PIEZO2: variants seen among roughly 807,000 people sequenced by gnomAD.
PIEZO2 encodes the protein piezo type mechanosensitive ion channel component 2.
PIEZO2 carries 172 observed loss-of-function variants against 337.3 expected under a neutral mutation model. The ratio of observed to expected loss-of-function variants is 0.51; its 90% CI spans 0.45 to 0.58. The LOEUF (loss-of-function observed/expected upper bound fraction) is 0.58. PIEZO2 is among the 20% of genes least tolerant of loss of function. PIEZO2 has a pLI of 0.00. For synonymous variants in PIEZO2, 1,251 were observed against 1,228.5 expected (o/e 1.02, Z -0.38); for missense variants, 3,028 against 3,391.3 (o/e 0.89, Z 2.66).
chr18:10,739,899 G>C (rs540272778), intron 33 of PIEZO2: 2 of 152,246 alleles, frequency 1.3e-5, no homozygotes, highest in African/African-American at 4.8e-5. Flanking sequence ...TTATGTCTTG[G>C]GAGAGAGAGG....
chr18:11,130,412 C>T (rs532495202), intron 1 of PIEZO2, among the ~76,000 whole-genome samples: 2 of 152,364 alleles, frequency 1.3e-5, no homozygotes, highest in South Asian at 4.1e-4. Context: ...TTTCAGCTGG[C>T]AAGGCCAGCA....
In PIEZO2 at chr18:11,003,298, A is replaced by AACC. The variant is rs1260752281; in HGVS notation, c.161-23641_161-23639dup. Among the ~76,000 whole-genome samples, 2 of 152,202 alleles carry AACC rather than the reference A, an allele frequency of 1.3e-5. No homozygotes were observed. Among genetic ancestry groups the AACC allele is most frequent in the African/African-American group, 4.8e-5 (2 of 41,430 alleles). ...TTTTGTTTTGCCAATTCACTTAACA[A>AACC]ACCACAGTAAATCCTCACTTATCAT... is the stretch of plus-strand genomic sequence containing the variant. On this transcript the variant is annotated intron_variant, in intron 2 of 55. Coordinates refer to ENST00000674853, the MANE Select transcript of PIEZO2 (RefSeq NM_001378183.1). The surrounding 1 kb of genome is among the most constrained non-coding windows in gnomAD (Gnocchi z 4.6).
In PIEZO2 at chr18:11,037,833, G is replaced by A. The variant is rs182107859; in HGVS notation, c.160+28294C>T. Among the ~76,000 whole-genome samples the A allele has an allele frequency of 1.2e-3, 185 of 152,286 alleles. 1 individual carries two copies. The highest frequency in any genetic ancestry group is 4.4e-3 in the African/African-American group (184 of 41,552). ...TTATGATTCTATGTCAAAGTAACAGGGGCTATAATATGCAAAGTTTTCTTA... is the reference window on the plus strand; with the variant it reads ...TTATGATTCTATGTCAAAGTAACAGAGGCTATAATATGCAAAGTTTTCTTA... On this transcript the variant is annotated intron_variant, in intron 2 of 55. Coordinates refer to ENST00000674853, the MANE Select transcript of PIEZO2 (RefSeq NM_001378183.1).
rs576600704 is a variant in PIEZO2, at chr18:10,957,577, A to T, written c.286+21958T>A. Among the ~76,000 whole-genome samples the T allele has an allele frequency of 8.9e-4, 136 of 152,308 alleles. 1 individual carries two copies. The highest frequency in any genetic ancestry group is 1.7e-3 in the Non-Finnish European group (113 of 68,032). On this transcript the variant is annotated intron_variant, in intron 3 of 55. Coordinates refer to ENST00000674853, the MANE Select transcript of PIEZO2 (RefSeq NM_001378183.1). ...AATTGTAAAGCTACTAGAAGAAAAA[A>T]TAAGGAAAAAGCTCCACATTAGTCT... is the stretch of plus-strand genomic sequence containing the variant.
In PIEZO2 at chr18:10,803,946, G is replaced by C. The variant is rs751631562; in HGVS notation, c.1129C>G (p.Pro377Ala). The change falls in exon 9 of 56, where the codon CCC becomes GCC. Residue 377 changes from proline (P) to alanine (A), a missense_variant. Around this residue, in one of 5 missense-constraint regions of PIEZO2, gnomAD observed 542 missense variants for 605.6 expected, o/e 0.89. Coordinates refer to ENST00000674853, the MANE Select transcript of PIEZO2 (RefSeq NM_001378183.1). ...KEEDKALACS[P>A]IQITAGRRRS... ...CTCCTCCCCGCTGTTATTTGGATGG[G>C]GCTACAAGCCAGGGCTTTGTCCTCT... 24 of 1,537,196 alleles carry C rather than the reference G, an allele frequency of 1.6e-5. No individual in the cohort carries two copies. The highest frequency in any genetic ancestry group is 1.8e-5 in the Non-Finnish European group (21 of 1,146,932).
chr18:10,864,570 T>C (rs187203396), intron 5 of PIEZO2, among the ~76,000 whole-genome samples: 2 of 152,368 alleles, frequency 1.3e-5, no homozygotes, highest in Non-Finnish European at 1.5e-5. Context: ...TATTAGTTTT[T>C]GTTTATCCTG....
At chr18:11,052,727 G>A (rs1261710748) in intron 2 of PIEZO2, among the ~76,000 whole-genome samples, 1 of 152,084 alleles carries the variant, frequency 6.6e-6, no homozygotes, top group East Asian at 1.9e-4. Context: ...AGTCTTTTGG[G>A]AAGAACAATC....
At chr18:10,845,198 G>GTA (rs778162480) in intron 7 of PIEZO2, among the ~76,000 whole-genome samples, 21 of 136,378 alleles carry the variant, frequency 1.5e-4, no homozygotes, top group Admixed American at 7.1e-4. Context: ...GTGTGTGTGT[G>GTA]TGTATATATA....
At chr18:10,845,198 G>A (rs1304301771) in intron 7 of PIEZO2, among the ~76,000 whole-genome samples, 1 of 136,298 alleles carries the variant, frequency 7.3e-6, no homozygotes, top group African/African-American at 2.8e-5. Flanking sequence ...GTGTGTGTGT[G>A]TGTATATATA....
intron 1 of PIEZO2, among the ~76,000 whole-genome samples, chr18:11,106,126 C>A (rs375883804): frequency 6.6e-6 from 1 of 151,980 alleles, no homozygotes; most frequent in African/African-American, 2.4e-5. Context: ...CTGGCTCTGT[C>A]GCCCAGGCTG....
chr18:10,944,885 G>C (rs1394206325), intron 3 of PIEZO2, among the ~76,000 whole-genome samples: 1 of 152,118 alleles, frequency 6.6e-6, no homozygotes, highest in East Asian at 1.9e-4. Flanking sequence ...TTCCTAAGGG[G>C]GGAGAAAAAG....
chr18:11,065,437 C>T (rs2038116459), intron 2 of PIEZO2, among the ~76,000 whole-genome samples: 1 of 152,208 alleles, frequency 6.6e-6, no homozygotes, highest in African/African-American at 2.4e-5. Context: ...AATTTTAATA[C>T]TTGTGACAGA....
Position 10,773,376 on chromosome 18 carries a change from C to A in PIEZO2, c.2785+36G>T, listed in dbSNP as rs375493532. 1 of 1,523,682 alleles carries A rather than the reference C, an allele frequency of 6.6e-7. No homozygotes were observed. Among genetic ancestry groups the A allele is most frequent in the Non-Finnish European group, 8.8e-7 (1 of 1,134,850 alleles). 94.4% of individuals were successfully genotyped at this position (1,523,682 alleles called of 1,614,324 possible). On this transcript the variant is annotated intron_variant, in intron 20 of 55. Coordinates refer to ENST00000674853, the MANE Select transcript of PIEZO2 (RefSeq NM_001378183.1). This position sits in a 1 kb window ranked among gnomAD's most constrained non-coding sequence, Gnocchi z 5.3. ...TTCCTTCACTCAGTCTGACAGCCAG[C>A]GTTCTCTGACCAGCTGCTGGTAGTG...
intron 12 of PIEZO2, among the ~76,000 whole-genome samples, chr18:10,796,788 C>T (rs1002093740): frequency 3.9e-5 from 6 of 152,140 alleles, no homozygotes; most frequent in Non-Finnish European, 5.9e-5. Context: ...CCCTGGCAGC[C>T]GCCACTCATA....
chr18:10,696,866 G>A (rs1567958591), intron 45 of PIEZO2, among the ~76,000 whole-genome samples: 1 of 152,152 alleles, frequency 6.6e-6, no homozygotes, highest in Non-Finnish European at 1.5e-5. Context: ...GCTCACCACC[G>A]GCGAGAACCA....
chr18:11,122,097 G>T (rs954296436), intron 1 of PIEZO2, among the ~76,000 whole-genome samples: 12 of 152,124 alleles, frequency 7.9e-5, no homozygotes, highest in Non-Finnish European at 1.8e-4. Flanking sequence ...GGGACTACAG[G>T]CGCCTGCCAC....
In PIEZO2 at chr18:10,773,857, C is replaced by T. The variant is rs1473836607; in HGVS notation, c.2567+149G>A. 3 of 616,322 alleles carry T rather than the reference C, an allele frequency of 4.9e-6. No homozygotes were observed. The highest frequency in any genetic ancestry group is 2.7e-5 in the East Asian group (1 of 36,604). The allele number at this position is 616,322 out of a possible 1,614,324, so 38.2% of individuals were successfully genotyped here. ...TTAGGTTTTGTTAGCTTTTTTAATT[C>T]GGGTTCTAGTGATTAGTTGGTAATG... On this transcript the variant is annotated intron_variant, in intron 19 of 55. Transcript: ENST00000674853. The surrounding 1 kb of genome is among the most constrained non-coding windows in gnomAD (Gnocchi z 5.3).
chr18:11,023,993 C>T (rs905632921), intron 2 of PIEZO2, among the ~76,000 whole-genome samples: 1 of 152,178 alleles, frequency 6.6e-6, no homozygotes, highest in Non-Finnish European at 1.5e-5. Context: ...GCCCGCAAGC[C>T]CCACGCGCAG....
At chr18:11,121,295 C>G (rs2040023830) in intron 1 of PIEZO2, among the ~76,000 whole-genome samples, 1 of 152,072 alleles carries the variant, frequency 6.6e-6, no homozygotes, top group Admixed American at 6.6e-5. Flanking sequence ...TAGCTCATGC[C>G]TGTAATCCCA....
Sources: gnomAD v4.1 joint callset for allele counts (sites outside exome capture counted in the v4.1 genomes callset) on GRCh38, gnomAD v4.1.1 for gene constraint, gnomAD v4.1.1 regional missense constraint, Gnocchi (gnomAD v3.1) non-coding constraint, MANE v1.5 for transcripts, NCBI Gene and HGNC (gene_info 2026-07-23, HGNC 2026-07-21) for gene names.